The following RASSF2 variants were observed in gnomAD, a reference collection of about 807,000 sequenced individuals.
The protein encoded by RASSF2 is Ras association domain family member 2.
Under a neutral mutation model 46.3 loss-of-function variants are expected in RASSF2, and 34 were observed. That is an observed-to-expected ratio of 0.73 (90% CI 0.56 to 0.98). The LOEUF is 0.98. Among genes scored for constraint, RASSF2 ranks in the 50% least tolerant of loss-of-function variants. The pLI, the probability that RASSF2 is intolerant of heterozygous loss-of-function variation, is 0.00. For synonymous variants in RASSF2, 158 were observed against 162.5 expected, an observed-to-expected ratio of 0.97 and a Z score of 0.21; for missense variants, 364 against 431.2, an observed-to-expected ratio of 0.84 and a Z score of 1.38.
In RASSF2 at chr20:4,786,221, C is replaced by A; in HGVS notation, c.911+10G>T. The A allele has an allele frequency of 6.3e-7, 1 of 1,597,866 alleles. No individual in the cohort carries two copies. The highest frequency in any genetic ancestry group is 8.6e-7 in the Non-Finnish European group (1 of 1,165,342). On this transcript the variant is annotated intron_variant, in intron 11 of 11. Coordinates refer to ENST00000379400, the MANE Select transcript of RASSF2 (RefSeq NM_014737.3). Reference sequence around the variant, plus strand: ...AGAAGTGCACCCAGTGCCCCAGAAGCCACACTTACTTGCGCATCAGCTTCT... The same window carrying A: ...AGAAGTGCACCCAGTGCCCCAGAAGACACACTTACTTGCGCATCAGCTTCT...
intron 11 of RASSF2, among the ~76,000 whole-genome samples, chr20:4,785,066 C>G (rs141819203): frequency 6.7e-6 from 1 of 148,460 alleles, no homozygotes; most frequent in Non-Finnish European, 1.5e-5. Flanking sequence ...TCCCAGCACT[C>G]TGAGAGGCCG....
At chr20:4,801,609 A>C in intron 2 of RASSF2, among the ~76,000 whole-genome samples, 1 of 152,240 alleles carries the variant, frequency 6.6e-6, no homozygotes, top group Admixed American at 6.5e-5. Flanking sequence ...AATTTTGTTT[A>C]AAATCTATGT....
chr20:4,805,549 C>T (rs889729700), intron 2 of RASSF2, among the ~76,000 whole-genome samples: 3 of 152,036 alleles, frequency 2.0e-5, no homozygotes, highest in African/African-American at 7.2e-5. Flanking sequence ...TGTTTTAAAC[C>T]ACCAAGACTA....
intron 2 of RASSF2, among the ~76,000 whole-genome samples, chr20:4,814,735 C>T (rs1474841214): frequency 6.6e-6 from 1 of 152,182 alleles, no homozygotes; most frequent in Non-Finnish European, 1.5e-5. Context: ...ACAACGTGTG[C>T]GGGGAAATTC....
At chr20:4,807,149 C>A (rs1309093751) in intron 2 of RASSF2, among the ~76,000 whole-genome samples, 3 of 152,094 alleles carry the variant, frequency 2.0e-5, no homozygotes, top group Admixed American at 6.5e-5. Context: ...GGAAAGGTAG[C>A]TTAATTTTTT....
intron 3 of RASSF2, among the ~76,000 whole-genome samples, chr20:4,798,599 C>A (rs1054947247): frequency 1.3e-5 from 2 of 151,962 alleles, no homozygotes; most frequent in Admixed American, 6.6e-5. Context: ...CCAAGACCAG[C>A]GGATCACTTA....
intron 2 of RASSF2, among the ~76,000 whole-genome samples, chr20:4,817,175 C>G (rs1928385614): frequency 6.6e-6 from 1 of 152,190 alleles, no homozygotes; most frequent in Admixed American, 6.5e-5. Context: ...TTTGTAGCCA[C>G]TTGGTATTCC....
At position 4,812,546 on chromosome 20, in the gene RASSF2, G is replaced by A. The variant is rs1927906876; in HGVS notation, c.-33+9783C>T. Among the ~76,000 whole-genome samples the A allele has an allele frequency of 6.6e-6, 1 of 152,186 alleles. No individual in the cohort carries two copies. Among genetic ancestry groups the A allele is most frequent in the South Asian group, 2.1e-4 (1 of 4,830 alleles). On this transcript the variant is annotated intron_variant, in intron 2 of 11. Transcript: ENST00000379400. The surrounding 1 kb of genome is among the most constrained non-coding windows in gnomAD (Gnocchi z 4.0). ...GGAGGAGAGGTTCTCCCACTTGAGT[G>A]TGTATTGGAATCTCTCCGAGGGCTC...
intron 3 of RASSF2, among the ~76,000 whole-genome samples, chr20:4,799,994 C>A (rs1030724632): frequency 3.3e-5 from 5 of 152,168 alleles, no homozygotes; most frequent in Non-Finnish European, 7.4e-5. Context: ...TGCCTGTAAT[C>A]CCAGCTACCT....
rs368496670 is a variant in RASSF2, at chr20:4,802,897, C to CAT, written c.-32-1837_-32-1836dup. ...ATGTGTGTGTGTATATATATATATA[C>CAT]ATATATATATATATATATTTTTTTT... is the stretch of plus-strand genomic sequence containing the variant. On this transcript the variant is annotated intron_variant, in intron 2 of 11. Coordinates refer to ENST00000379400, the MANE Select transcript of RASSF2 (RefSeq NM_014737.3). Among the ~76,000 whole-genome samples, 1,009 of 126,958 alleles carry CAT rather than the reference C, an allele frequency of 7.9e-3. 13 individuals are homozygous for CAT. The highest frequency in any genetic ancestry group is 0.023 in the African/African-American group (781 of 33,852). 83.3% of individuals were successfully genotyped at this position (126,958 alleles called of 152,430 possible). A position where few individuals can be genotyped will look rare whatever the true frequency, so the allele number is the denominator to read the frequency against.
At chr20:4,810,357 G>T (rs1372791168) in intron 2 of RASSF2, among the ~76,000 whole-genome samples, 1 of 152,202 alleles carries the variant, frequency 6.6e-6, no homozygotes, top group East Asian at 1.9e-4. Flanking sequence ...TCAGCTTCCT[G>T]AGAGGAGAGC....
Position 4,820,996 on chromosome 20 carries a change from C to T in RASSF2, c.-33+1333G>A, listed in dbSNP as rs536340242. ...GACAGGTCTCCTCTCTGGCAAGCAG[C>T]GTCGTCCAGCCCTCTGAGGCAGCAG... On this transcript the variant is annotated intron_variant, in intron 2 of 11. Coordinates refer to ENST00000379400, the MANE Select transcript of RASSF2 (RefSeq NM_014737.3). Among the ~76,000 whole-genome samples, 143 of 152,128 alleles carry T rather than the reference C, an allele frequency of 9.4e-4. 1 individual carries two copies. The highest frequency in any genetic ancestry group is 7.2e-4 in the Admixed American group (11 of 15,272).
intron 3 of RASSF2, among the ~76,000 whole-genome samples, chr20:4,798,930 C>G (rs764867445): frequency 6.6e-6 from 1 of 151,434 alleles, no homozygotes; most frequent in Admixed American, 6.6e-5. Flanking sequence ...AAATTATCAG[C>G]GAAGAGAATG....
intron 10 of RASSF2, among the ~76,000 whole-genome samples, chr20:4,786,957 C>T (rs555689260): frequency 4.9e-4 from 75 of 152,126 alleles, no homozygotes; most frequent in African/African-American, 1.8e-3. Context: ...GTGGTGCACA[C>T]CTGTGGTCCC....
At position 4,822,948 on chromosome 20, in the gene RASSF2, G is replaced by T. The variant is rs1194760103; in HGVS notation, c.-107-545C>A. Among the ~76,000 whole-genome samples the T allele has an allele frequency of 2.0e-5, 3 of 152,176 alleles. No homozygotes were observed. In the East Asian group the frequency reaches 5.8e-4, roughly 29 times the overall value. On this transcript the variant is annotated intron_variant, in intron 1 of 11. Transcript: ENST00000379400. ...AAGTCTCAGAGACCCCGGGGATGGG[G>T]TGGGAGCGCCTTCCCATCGCGGGCT...
intron 2 of RASSF2, among the ~76,000 whole-genome samples, chr20:4,808,089 T>C (rs979230376): frequency 2.6e-5 from 4 of 152,232 alleles, no homozygotes; most frequent in Non-Finnish European, 5.9e-5. Flanking sequence ...AGACGGTTTG[T>C]GGAACAGGAA....
In RASSF2 at chr20:4,812,767, G is replaced by A. The variant is rs1259748006; in HGVS notation, c.-33+9562C>T. On this transcript the variant is annotated intron_variant, in intron 2 of 11. Coordinates refer to ENST00000379400, the MANE Select transcript of RASSF2 (RefSeq NM_014737.3). This position sits in a 1 kb window ranked among gnomAD's most constrained non-coding sequence, Gnocchi z 4.0. The stretch of plus-strand genomic sequence containing the variant: ...ACTTCACTTTACAAATGAGGAAACA[G>A]AAGGTCTCAGAGGTTAGGTGGCTTG... Among the ~76,000 whole-genome samples the A allele has an allele frequency of 6.6e-6, 1 of 152,216 alleles. No homozygotes were observed. Among genetic ancestry groups the A allele is most frequent in the African/African-American group, 2.4e-5 (1 of 41,464 alleles).
At chr20:4,809,752 G>T (rs1282645363) in intron 2 of RASSF2, among the ~76,000 whole-genome samples, 4 of 152,210 alleles carry the variant, frequency 2.6e-5, no homozygotes, top group Admixed American at 2.6e-4. Flanking sequence ...GTAAGGGAGT[G>T]GGGGAGGCAG....
chr20:4,787,777 G>C, intron 9 of RASSF2, 23 bp from the exon 10 acceptor site: 1 of 1,614,116 alleles, frequency 6.2e-7, no homozygotes, highest in Non-Finnish European at 8.5e-7. Flanking sequence ...ACACCCAGGA[G>C]CAGCCCTGAG....
Sources: allele counts gnomAD v4.1 joint callset (sites outside exome capture counted in the v4.1 genomes callset), GRCh38; gene constraint gnomAD v4.1.1; non-coding constraint Gnocchi (gnomAD v3.1); transcripts MANE v1.5; gene names NCBI Gene and HGNC (gene_info 2026-07-23, HGNC 2026-07-21).